The following FANK1 variants were observed in gnomAD, a reference collection of about 807,000 sequenced individuals.
FANK1 encodes the protein fibronectin type 3 and ankyrin repeat domains protein 1.
A neutral mutation model predicts 45.3 loss-of-function variants in FANK1; 44 were observed. The ratio of observed to expected loss-of-function variants is 0.97; its 90% CI spans 0.76 to 1.25. FANK1 has a LOEUF of 1.25. Among genes scored for constraint, FANK1 ranks in the 50% most tolerant of loss-of-function variants. The pLI is 0.00. For missense variants in FANK1, 391 were observed against 424.4 expected (o/e 0.92, Z 0.69); for synonymous variants, 149 against 152.5 (o/e 0.98, Z 0.17).
chr10:125,970,608 C>G (rs1164325103), intron 1 of FANK1, among the ~76,000 whole-genome samples: 3 of 152,174 alleles, frequency 2.0e-5, no homozygotes, highest in Non-Finnish European at 4.4e-5. Context: ...AGGTCAGGAG[C>G]TGGAGACCAG....
rs140629014 is a variant in FANK1 at position 125,914,967 on chromosome 10, C to A, written c.13+18312C>A. Among the ~76,000 whole-genome samples, 699 of 152,276 alleles carry A rather than the reference C, an allele frequency of 4.6e-3. 3 individuals carry two copies. Among genetic ancestry groups the A allele is most frequent in the African/African-American group, 0.015 (644 of 41,550 alleles). On this transcript the variant is annotated intron_variant, in intron 1 of 10. Coordinates refer to ENST00000368693, the MANE Select transcript of FANK1 (RefSeq NM_145235.5). ...AGCTTGGCAGGCAGAAAGCACTTGA[C>A]AAAGCCCAGGGAATGGTCGGGAGAG...
chr10:125,960,315 G>T, intron 1 of FANK1: 1 of 262,622 alleles, frequency 3.8e-6, no homozygotes, highest in East Asian at 1.1e-4. Flanking sequence ...CTCTGCAGCT[G>T]CCTGAGAGAC....
At position 125,950,636 on chromosome 10, in the gene FANK1, C is replaced by T. The variant is rs376295134; in HGVS notation, c.14-29525C>T. Among the ~76,000 whole-genome samples the T allele has an allele frequency of 5.4e-3, 815 of 152,312 alleles. 40 individuals are homozygous for T. In the East Asian group the frequency reaches 0.094, roughly 18 times the overall value. On this transcript the variant is annotated intron_variant, in intron 1 of 10. Coordinates refer to ENST00000368693, the MANE Select transcript of FANK1 (RefSeq NM_145235.5). Reference sequence around the variant, plus strand: ...GTGGAGAAATAGGAACACTTTTACACTGTTGGTGGGACTGTAAACTAGTTC... The same window carrying T: ...GTGGAGAAATAGGAACACTTTTACATTGTTGGTGGGACTGTAAACTAGTTC...
chr10:125,932,019 G>A (rs547286726), intron 1 of FANK1, among the ~76,000 whole-genome samples: 1 of 151,970 alleles, frequency 6.6e-6, no homozygotes, highest in Non-Finnish European at 1.5e-5. Flanking sequence ...AAGTGTTTGG[G>A]CTTATTTTTG....
At chr10:125,921,125 A>G (rs1186187400) in intron 1 of FANK1, among the ~76,000 whole-genome samples, 1 of 152,216 alleles carries the variant, frequency 6.6e-6, no homozygotes, top group African/African-American at 2.4e-5. Flanking sequence ...TGAACTTTCC[A>G]ATCCGTGAAC....
intron 1 of FANK1, among the ~76,000 whole-genome samples, chr10:125,961,141 C>T (rs879826336): frequency 2.6e-5 from 4 of 152,194 alleles, no homozygotes; most frequent in Admixed American, 6.5e-5. Flanking sequence ...GTGTCTCACT[C>T]CATCTCCCAG....
chr10:125,956,216 T>TGGG (rs1949570963), intron 1 of FANK1, among the ~76,000 whole-genome samples: 6 of 49,738 alleles, frequency 1.2e-4, no homozygotes, highest in Non-Finnish European at 1.7e-4. Flanking sequence ...GGGGGGGCGG[T>TGGG]GGTGGGGGTA....
chr10:125,979,330 G>A (rs931944837), intron 1 of FANK1, among the ~76,000 whole-genome samples: 1 of 152,182 alleles, frequency 6.6e-6, no homozygotes, highest in Non-Finnish European at 1.5e-5. Context: ...CTTCTAGTCA[G>A]CCATCTTGGC....
intron 1 of FANK1, among the ~76,000 whole-genome samples, chr10:125,918,106 G>GT (rs1946605240): frequency 1.3e-5 from 2 of 152,296 alleles, no homozygotes; most frequent in Non-Finnish European, 2.9e-5. Context: ...GGGTAGTTTG[G>GT]TGGTTGCCAG....
At chr10:125,921,372 C>A (rs1214692820) in intron 1 of FANK1, among the ~76,000 whole-genome samples, 1 of 152,038 alleles carries the variant, frequency 6.6e-6, no homozygotes, top group Non-Finnish European at 1.5e-5. Context: ...CTTTTTATTG[C>A]CAAATAGTAA....
intron 1 of FANK1, among the ~76,000 whole-genome samples, chr10:125,945,761 G>GGCCT (rs1483632420): frequency 1.3e-5 from 2 of 152,206 alleles, no homozygotes; most frequent in Non-Finnish European, 2.9e-5. Context: ...AACTCAAGGA[G>GGCCT]GCCTGCCTGC....
chr10:125,993,520 G>C (rs10901499), intron 3 of FANK1, among the ~76,000 whole-genome samples: 106,203 of 152,060 alleles, frequency 0.7, 37,508 homozygotes, highest in East Asian at 0.78. Context: ...TTCTTAGCAG[G>C]TTCCTTGGCC....
intron 1 of FANK1, among the ~76,000 whole-genome samples, chr10:125,916,270 G>T (rs540738675): frequency 6.6e-6 from 1 of 152,038 alleles, no homozygotes; most frequent in Admixed American, 6.6e-5. Flanking sequence ...CTCTTGACCC[G>T]CCTGCCTTGG....
chr10:125,904,579 GA>G (rs1232141660), intron 1 of FANK1, among the ~76,000 whole-genome samples: 1 of 151,422 alleles, frequency 6.6e-6, no homozygotes, highest in South Asian at 2.1e-4. Context: ...AAACTTTTAA[GA>G]GAACAAAAAT....
At chr10:125,928,640 T>A (rs1947544172) in intron 1 of FANK1, among the ~76,000 whole-genome samples, 1 of 152,206 alleles carries the variant, frequency 6.6e-6, no homozygotes, top group Admixed American at 6.5e-5. Flanking sequence ...TTAAAAACTT[T>A]TAGTCTTTCT....
At chr10:125,994,803 G>T in intron 3 of FANK1, 1 of 985,232 alleles carries the variant, frequency 1.0e-6, no homozygotes, top group South Asian at 4.7e-5. Context: ...CTCCTCCCCG[G>T]CTGTGGCCCA....
At chr10:126,000,739 G>C (rs1375389709) in intron 6 of FANK1, among the ~76,000 whole-genome samples, 1 of 152,090 alleles carries the variant, frequency 6.6e-6, no homozygotes, top group African/African-American at 2.4e-5. Context: ...TAATTACAAT[G>C]TTAAGGACAT....
At chr10:125,906,290 C>G (rs1222807951) in intron 1 of FANK1, among the ~76,000 whole-genome samples, 1 of 151,832 alleles carries the variant, frequency 6.6e-6, no homozygotes, top group East Asian at 1.9e-4. Flanking sequence ...CCAAGGTGGG[C>G]CGATCACCTG....
At chr10:125,941,236 C>T (rs941620201) in intron 1 of FANK1, among the ~76,000 whole-genome samples, 9 of 152,056 alleles carry the variant, frequency 5.9e-5, no homozygotes, top group African/African-American at 9.6e-5. Flanking sequence ...TTCTACAAGT[C>T]AATTAAAATA....
Sources: gnomAD v4.1 joint callset for allele counts (sites outside exome capture counted in the v4.1 genomes callset) on GRCh38, gnomAD v4.1.1 for gene constraint, MANE v1.5 for transcripts, NCBI Gene and HGNC (gene_info 2026-07-23, HGNC 2026-07-21) for gene names.